Variants in SBNO1 observed in about 807,000 individuals in gnomAD.
The protein encoded by SBNO1 is strawberry notch homolog 1, also known as protein strawberry notch homolog 1.
SBNO1 carries 23 observed loss-of-function variants against 173.6 expected under a neutral mutation model. The ratio of observed to expected loss-of-function variants is 0.13; its 90% CI spans 0.10 to 0.19. The LOEUF is 0.19. SBNO1 is among the 10% of genes least tolerant of loss of function. SBNO1 has a pLI of 1.00. For missense variants in SBNO1, 1,238 were observed against 1,671.2 expected, an observed-to-expected ratio of 0.74 and a Z score of 4.52; for synonymous variants, 632 against 571.5, an observed-to-expected ratio of 1.11 and a Z score of -1.51.
chr12:123,326,799 C>T (rs1277713971), intron 13 of SBNO1, among the ~76,000 whole-genome samples: 1 of 152,026 alleles, frequency 6.6e-6, no homozygotes, highest in African/African-American at 2.4e-5. Flanking sequence ...CATTGACATG[C>T]GCCTGCAGTC....
intron 15 of SBNO1, among the ~76,000 whole-genome samples, chr12:123,324,436 C>T (rs763867429): frequency 6.6e-6 from 1 of 152,032 alleles, no homozygotes; most frequent in African/African-American, 2.4e-5. Context: ...ATTCTCCTGC[C>T]TCAGCCTCTC....
chr12:123,304,652 A>G lies in SBNO1; in HGVS notation c.3698T>C (p.Val1233Ala). The G allele has an allele frequency of 6.4e-7, 1 of 1,573,616 alleles. No homozygotes were observed. ...EVNPKKKLFL[V>A]YRPNTGKQLK... Reference sequence around the variant, plus strand: ...CTGCTTCCCAGTATTTGGTCGATAAACTAAGAAAAGTTTCTTTTTAGGATT... The same window carrying G: ...CTGCTTCCCAGTATTTGGTCGATAAGCTAAGAAAAGTTTCTTTTTAGGATT... Residue 1233 changes from valine to alanine, a missense_variant, in exon 29 of 32, where the codon GTT (valine) becomes GCT (alanine). Around this residue, in one of 14 missense-constraint regions of SBNO1, gnomAD observed 351 missense variants for 420.3 expected, o/e 0.84. Coordinates refer to ENST00000602398, the MANE Select transcript of SBNO1 (RefSeq NM_001167856.3).
In SBNO1 at chr12:123,302,834, G is replaced by C; in HGVS notation, c.3835C>G (p.His1279Asp). The change falls in exon 30 of 32, where the codon CAT (histidine) becomes GAT (aspartate). Residue 1279 changes from histidine to aspartate, a missense_variant. Physicochemically the swap from His to Asp is moderately conservative, Grantham distance 81. Transcript: ENST00000602398. The part of the protein sequence containing the change: ...QYNSSADTCT[H>D]AYWRGNCKKA... ...CACGAAAATACTAACCAATAAGCATGAGTACAAGTATCTGCAGATGAATTA... is the reference window on the plus strand; with the variant it reads ...CACGAAAATACTAACCAATAAGCATCAGTACAAGTATCTGCAGATGAATTA... 1 of 1,612,070 alleles carries C rather than the reference G, an allele frequency of 6.2e-7. No individual in the cohort carries two copies. Among genetic ancestry groups the C allele is most frequent in the Non-Finnish European group, 8.5e-7 (1 of 1,178,508 alleles).
chr12:123,311,720 CTATATATATA>C (rs56718635), intron 24 of SBNO1, among the ~76,000 whole-genome samples: 21,618 of 127,144 alleles, frequency 0.17, 2,108 homozygotes, highest in Middle Eastern at 0.27. Context: ...ATCTATCTAT[CTATATATATA>C]TATATATATA....
chr12:123,303,023 T>C (rs1419227671), intron 29 of SBNO1, 123 bp from the exon 30 acceptor site: 2 of 708,892 alleles, frequency 2.8e-6, no homozygotes, highest in Non-Finnish European at 2.5e-6. Context: ...AGCCTAACCC[T>C]TGCTATTAAC....
chr12:123,298,270 C>CTT, intron 30 of SBNO1, 99 bp from the exon 31 acceptor site: 379 of 1,000,748 alleles, frequency 3.8e-4, no homozygotes, highest in Non-Finnish European at 4.5e-4. Flanking sequence ...CTTTTCTTTT[C>CTT]TTTTTTTTTT....
At chr12:123,360,968 G>A (rs1051036267) in intron 1 of SBNO1, among the ~76,000 whole-genome samples, 3 of 152,158 alleles carry the variant, frequency 2.0e-5, no homozygotes, top group East Asian at 1.9e-4. Flanking sequence ...AAAATTGGCC[G>A]GGCACAGTGG....
chr12:123,311,744 A>ATTTTTTTT (rs1269148303), intron 24 of SBNO1, among the ~76,000 whole-genome samples: 1 of 132,870 alleles, frequency 7.5e-6, no homozygotes, highest in African/African-American at 2.7e-5. Flanking sequence ...ATATATATAT[A>ATTTTTTTT]TATATTTTTG....
chr12:123,333,003 A>G (rs537705715), intron 7 of SBNO1, among the ~76,000 whole-genome samples: 103 of 152,198 alleles, frequency 6.8e-4, no homozygotes, highest in Admixed American at 2.2e-3. Context: ...GGGTGCCTGT[A>G]GTCCCAGCTA....
Position 123,332,512 on chromosome 12 carries a change from G to A in SBNO1, c.910-1137C>T, listed in dbSNP as rs537907594. On this transcript the variant is annotated intron_variant, in intron 7 of 31. Transcript: ENST00000602398. ...TCACCATGTTGGCCAGGCTGGTCTC[G>A]AACTCCCAACCTCAGGTGATCCGCC... Among the ~76,000 whole-genome samples, 4 of 146,148 alleles carry A rather than the reference G, an allele frequency of 2.7e-5. No individual in the cohort carries two copies. In the South Asian group the frequency reaches 6.6e-4, roughly 24 times the overall value.
chr12:123,293,635 A>T lies in SBNO1; in HGVS notation c.*2273T>A, dbSNP rs1348233864. On this transcript the variant is annotated 3_prime_UTR_variant, in exon 32 of 32. Coordinates refer to ENST00000602398, the MANE Select transcript of SBNO1 (RefSeq NM_001167856.3). ...AATGAGAAAAAAAAATAGCTGTTCT[A>T]CAAAGAACCTAAGATACATACACTC... 6.6e-6 allele frequency: 1 copy of T among 152,176 alleles called. No individual in the cohort carries two copies. The highest frequency in any genetic ancestry group is 2.4e-5 in the African/African-American group (1 of 41,418). The allele number at this position is 152,176 out of a possible 1,614,324, so 9.4% of individuals were successfully genotyped here.
chr12:123,330,659 A>G, intron 8 of SBNO1, 150 bp from the exon 9 acceptor site: 2 of 588,942 alleles, frequency 3.4e-6, no homozygotes, highest in Non-Finnish European at 5.8e-6. Context: ...CATCCCACTG[A>G]GTGCAGTGGC....
rs1481476247 is a variant in SBNO1, at chr12:123,345,429, T to C, written c.379A>G (p.Thr127Ala). 3 of 1,614,220 alleles carry C rather than the reference T, an allele frequency of 1.9e-6. No homozygotes were observed. Among genetic ancestry groups the C allele is most frequent in the Admixed American group, 1.7e-5 (1 of 60,008 alleles). Residue 127 changes from threonine to alanine, a missense_variant, in exon 4 of 32, where the codon ACT becomes GCT. Coordinates refer to ENST00000602398, the MANE Select transcript of SBNO1 (RefSeq NM_001167856.3). ...TITLTKFIQT[T>A]ASTRPSVSAP... ...GAGACTGACGGGCGTGTGCTTGCAG[T>C]AGTCTGGATAAACTTAGTTAAAGTG...
chr12:123,306,721 G>A (rs963787110), intron 28 of SBNO1, among the ~76,000 whole-genome samples: 5 of 152,018 alleles, frequency 3.3e-5, no homozygotes, highest in East Asian at 1.9e-4. Context: ...GGGGATAGCC[G>A]AGTAAAATAC....
At position 123,326,160 on chromosome 12, in the gene SBNO1, T is replaced by C. The variant is rs752962276; in HGVS notation, c.1867A>G (p.Asn623Asp). The change falls in exon 14 of 32, where the codon AAT becomes GAT. Residue 623 changes from asparagine to aspartate, a missense_variant. Transcript: ENST00000602398. ...VVQLAREEIK[N>D]GKCVVIGLQS... ...TGAGTTCTTCTACTTACTTTTCCAT[T>C]CTTGATTTCCTCTCGAGCTAGTTGC... 21 of 1,605,156 alleles carry C rather than the reference T, an allele frequency of 1.3e-5. No homozygotes were observed. Among genetic ancestry groups the C allele is most frequent in the Admixed American group, 1.7e-5 (1 of 58,920 alleles).
intron 6 of SBNO1, 44 bp downstream of exon 6, chr12:123,336,351 A>T: frequency 8.4e-7 from 1 of 1,191,200 alleles, no homozygotes; most frequent in South Asian, 1.3e-5. Flanking sequence ...AAGAAACCAC[A>T]GGAAAACTTT....
In SBNO1 at chr12:123,298,209, T is replaced by C. The variant is rs1358275394; in HGVS notation, c.3846-38A>G. On this transcript the variant is annotated intron_variant, in intron 30 of 31. Transcript: ENST00000602398. ...GGAAAGAAATACATATGAGTGTCTA[T>C]ATATGCACACAGACACGTTTCTAAA... 7.8e-6 allele frequency: 12 copies of C among 1,541,204 alleles called. No individual in the cohort carries two copies. In the African/African-American group the frequency reaches 8.4e-5, roughly 11 times the overall value.
In SBNO1 at chr12:123,289,587, T is replaced by C. The variant is rs773385200; in HGVS notation, c.*6321A>G. 4 of 152,240 alleles carry C rather than the reference T, an allele frequency of 2.6e-5. No homozygotes were observed. The highest frequency in any genetic ancestry group is 4.8e-5 in the African/African-American group (2 of 41,458). The allele number at this position is 152,240 out of a possible 1,614,324, so 9.4% of individuals were successfully genotyped here. A position where few individuals can be genotyped will look rare whatever the true frequency, so the allele number is the denominator to read the frequency against. On this transcript the variant is annotated 3_prime_UTR_variant, in exon 32 of 32. Coordinates refer to ENST00000602398, the MANE Select transcript of SBNO1 (RefSeq NM_001167856.3). ...TAAAGGAGAACCATCTACACCTACA[T>C]AGAAAAGTATCCTTTGCTCAGAGGA...
At chr12:123,311,712 C>CTA (rs1468911576) in intron 24 of SBNO1, among the ~76,000 whole-genome samples, 9 of 69,088 alleles carry the variant, frequency 1.3e-4, no homozygotes, top group African/African-American at 5.1e-4. Context: ...ATCTATCTAT[C>CTA]TATCTATCTA....
Sources: allele counts gnomAD v4.1 joint callset (sites outside exome capture counted in the v4.1 genomes callset), GRCh38; gene constraint gnomAD v4.1.1; regional missense constraint gnomAD v4.1.1; transcripts MANE v1.5; gene names NCBI Gene and HGNC (gene_info 2026-07-23, HGNC 2026-07-21).